CCDC169: variants seen among roughly 807,000 people sequenced by gnomAD.
The protein encoded by CCDC169 is coiled-coil domain-containing protein 169.
A neutral mutation model predicts 36.0 loss-of-function variants in CCDC169; 30 were observed. The observed-to-expected ratio is 0.83, with a 90% confidence interval of 0.62 to 1.13. The LOEUF is 1.13. Among genes scored for constraint, CCDC169 ranks in the 50% most tolerant of loss-of-function variants. The pLI is 0.00. For missense variants in CCDC169, 245 were observed against 245.9 expected, an observed-to-expected ratio of 1.00 and a Z score of 0.03; for synonymous variants, 85 against 81.5, an observed-to-expected ratio of 1.04 and a Z score of -0.23.
chr13:36,222,612 C>G (rs1315582547), downstream of CCDC169: 1 of 152,168 alleles, frequency 6.6e-6, no homozygotes, highest in Non-Finnish European at 1.5e-5. Flanking sequence ...GGGTGAAGCT[C>G]ACTCTATACT....
chr13:36,274,251 G>A (rs1048996330), intron 4 of CCDC169: 7 of 151,992 alleles, frequency 4.6e-5, no homozygotes, highest in African/African-American at 1.7e-4. Context: ...GAAGTAACCT[G>A]GACCATTAAC....
At chr13:36,263,496 T>C in intron 4 of CCDC169, among the ~76,000 whole-genome samples, 1 of 152,222 alleles carries the variant, frequency 6.6e-6, no homozygotes, top group South Asian at 2.1e-4. Flanking sequence ...CTAAACACTT[T>C]ATTCTCTCTT....
At chr13:36,270,487 CT>C (rs1875898841) in intron 4 of CCDC169, among the ~76,000 whole-genome samples, 1 of 151,974 alleles carries the variant, frequency 6.6e-6, no homozygotes, top group Admixed American at 6.6e-5. Flanking sequence ...AAAAGAACAA[CT>C]CTGGAGGCAT....
In CCDC169 at chr13:36,230,916, G is replaced by T. The variant is rs1870349220; in HGVS notation, c.*277C>A. On this transcript the variant is annotated 3_prime_UTR_variant, in exon 8 of 8. Coordinates refer to ENST00000239859, the MANE Select transcript of CCDC169 (RefSeq NM_001144981.3). ...CAACGTTACTATCAGAGCAGATCAT[G>T]GGTATATTATTGAAAGCAAGTGTAA... is the stretch of plus-strand genomic sequence containing the variant. The T allele has an allele frequency of 3.6e-6, 4 of 1,125,778 alleles. No homozygotes were observed. Among genetic ancestry groups the T allele is most frequent in the African/African-American group, 1.6e-5 (1 of 61,302 alleles). 69.7% of individuals were successfully genotyped at this position (1,125,778 alleles called of 1,614,324 possible).
chr13:36,269,090 C>T (rs1238763621), intron 4 of CCDC169, among the ~76,000 whole-genome samples: 1 of 148,954 alleles, frequency 6.7e-6, no homozygotes, highest in African/African-American at 2.5e-5. Context: ...GGTGAGAGAG[C>T]AAGACTCCAA....
intron 4 of CCDC169, among the ~76,000 whole-genome samples, chr13:36,255,967 G>A (rs1295189637): frequency 1.3e-5 from 2 of 152,198 alleles, no homozygotes; most frequent in African/African-American, 4.8e-5. Flanking sequence ...GTGTGGGCCA[G>A]GGAGGTCAGT....
chr13:36,294,424 A>C (rs1053732634), intron 2 of CCDC169, among the ~76,000 whole-genome samples: 15 of 152,140 alleles, frequency 9.9e-5, no homozygotes, highest in Non-Finnish European at 5.9e-5. Flanking sequence ...AGATATGGAG[A>C]TAGAGGAAGC....
At chr13:36,230,010 T>C (rs1298833314), downstream of CCDC169, among the ~76,000 whole-genome samples, 3 of 152,240 alleles carry the variant, frequency 2.0e-5, no homozygotes, top group Admixed American at 6.5e-5. Flanking sequence ...GAATGATTTA[T>C]AGAAAGTTAC....
At chr13:36,241,781 T>C (rs1871851543) in intron 7 of CCDC169, among the ~76,000 whole-genome samples, 1 of 152,136 alleles carries the variant, frequency 6.6e-6, no homozygotes. Context: ...CAGCTAAATA[T>C]AGAAAATAAT....
At chr13:36,258,187 A>G (rs1874158760) in intron 4 of CCDC169, among the ~76,000 whole-genome samples, 1 of 152,088 alleles carries the variant, frequency 6.6e-6, no homozygotes, top group Admixed American at 6.5e-5. Flanking sequence ...TTTTTCAAGG[A>G]GAGTATGGGG....
chr13:36,236,720 G>A (rs1005871852), intron 7 of CCDC169, among the ~76,000 whole-genome samples: 2 of 151,896 alleles, frequency 1.3e-5, no homozygotes, highest in Non-Finnish European at 2.9e-5. Flanking sequence ...TATCTGATAA[G>A]GTCTCATACT....
intron 4 of CCDC169, among the ~76,000 whole-genome samples, chr13:36,278,574 A>G (rs1009873303): frequency 6.6e-6 from 1 of 152,088 alleles, no homozygotes; most frequent in African/African-American, 2.4e-5. Flanking sequence ...TTTCCTGAAC[A>G]TTCATAAAGC....
intron 7 of CCDC169, among the ~76,000 whole-genome samples, chr13:36,239,260 AAC>A (rs199823806): frequency 0.098 from 14,682 of 149,688 alleles, 923 homozygotes; most frequent in Non-Finnish European, 0.14. Context: ...AAAAAAAAAA[AAC>A]AGAAAAAGAA....
At chr13:36,251,223 T>G (rs1400458774) in intron 6 of CCDC169, among the ~76,000 whole-genome samples, 2 of 152,180 alleles carry the variant, frequency 1.3e-5, no homozygotes, top group African/African-American at 4.8e-5. Context: ...ACTCAGCAAA[T>G]AGCTCTAGTT....
At position 36,283,337 on chromosome 13, in the gene CCDC169, A is replaced by G. The variant is rs906830712; in HGVS notation, c.315+132T>C. The G allele has an allele frequency of 3.4e-5, 29 of 849,160 alleles. No homozygotes were observed. The Admixed American group carries it at 7.0e-4, about 21-fold the overall frequency. 52.6% of individuals were successfully genotyped at this position (849,160 alleles called of 1,614,324 possible). Reference sequence around the variant, plus strand: ...CTCAAAAATTATTTGTTGTCCTTCAAACAGATCCCTTGAACAAAACAGTTT... The same window carrying G: ...CTCAAAAATTATTTGTTGTCCTTCAGACAGATCCCTTGAACAAAACAGTTT... On this transcript the variant is annotated intron_variant, in intron 4 of 7. Transcript: ENST00000239859.
Position 36,231,244 on chromosome 13 carries a change from T to C in CCDC169, c.594A>G (p.Gly198=). ...AKQKTVSAKR[G]PVKKITRPNH... ...TTGGTCTTGTAATCTTTTTTACTGGTCCTCTCTTGGCACTCACTGTCTTCT... is the reference window on the plus strand; with the variant it reads ...TTGGTCTTGTAATCTTTTTTACTGGCCCTCTCTTGGCACTCACTGTCTTCT... The change falls in exon 8 of 8, where the codon GGA becomes GGG. Residue 198 remains glycine, a synonymous_variant. Transcript: ENST00000239859. 1 of 1,551,468 alleles carries C rather than the reference T, an allele frequency of 6.4e-7. No homozygotes were observed. The highest frequency in any genetic ancestry group is 8.7e-7 in the Non-Finnish European group (1 of 1,146,840).
intron 7 of CCDC169, among the ~76,000 whole-genome samples, chr13:36,243,929 A>G (rs778167316): frequency 6.6e-6 from 1 of 152,238 alleles, no homozygotes; most frequent in Non-Finnish European, 1.5e-5. Flanking sequence ...TCGTAGACCT[A>G]CATTCTGGTG....
intron 7 of CCDC169, among the ~76,000 whole-genome samples, chr13:36,237,515 G>A (rs1871234784): frequency 6.6e-6 from 1 of 152,130 alleles, no homozygotes; most frequent in Non-Finnish European, 1.5e-5. Context: ...ATTCATAATA[G>A]TGAAGAGGTG....
At chr13:36,272,934 C>T (rs530053559) in intron 4 of CCDC169, among the ~76,000 whole-genome samples, 2 of 152,286 alleles carry the variant, frequency 1.3e-5, no homozygotes, top group South Asian at 2.1e-4. Flanking sequence ...CAGTTTTCAG[C>T]TCCTTTCTCA....
Sources: allele counts gnomAD v4.1 joint callset (sites outside exome capture counted in the v4.1 genomes callset), GRCh38; gene constraint gnomAD v4.1.1; transcripts MANE v1.5; gene names NCBI Gene and HGNC (gene_info 2026-07-23, HGNC 2026-07-21).